CLINT1: variants seen among roughly 807,000 people sequenced by gnomAD.
The protein encoded by CLINT1 is clathrin interacting protein localized in the trans-Golgi region.
A neutral mutation model predicts 70.4 loss-of-function variants in CLINT1; 15 were observed. The observed-to-expected ratio is 0.21, with a 90% CI of 0.14 to 0.33. The LOEUF is 0.33. Ranked by LOEUF, CLINT1 falls within the 10% of genes least tolerant of loss-of-function variation. CLINT1 has a pLI of 1.00. For synonymous variants in CLINT1, 227 were observed against 254.7 expected (o/e 0.89, Z 1.04); for missense variants, 615 against 778.1 (o/e 0.79, Z 2.49).
chr5:157,788,968 G>GAAAAAAA (rs58634730), intron 11 of CLINT1, among the ~76,000 whole-genome samples: 40 of 95,550 alleles, frequency 4.2e-4, no homozygotes, highest in African/African-American at 5.2e-4. Context: ...CTCCATCTCA[G>GAAAAAAA]AAAAAAAAAA....
intron 8 of CLINT1, among the ~76,000 whole-genome samples, chr5:157,801,115 T>C (rs1448810891): frequency 6.6e-6 from 1 of 152,220 alleles, no homozygotes; most frequent in African/African-American, 2.4e-5. Flanking sequence ...AATGTAGCTG[T>C]CCGTAACCTT....
At chr5:157,800,406 A>T (rs537946939) in intron 8 of CLINT1, among the ~76,000 whole-genome samples, 1 of 152,268 alleles carries the variant, frequency 6.6e-6, no homozygotes, top group Non-Finnish European at 1.5e-5. Context: ...ACCAAATAGC[A>T]ATGTTAATAT....
intron 8 of CLINT1, among the ~76,000 whole-genome samples, chr5:157,800,997 T>C (rs912117417): frequency 2.6e-5 from 4 of 152,234 alleles, no homozygotes; most frequent in African/African-American, 9.6e-5. Context: ...ATAGTTGATA[T>C]TCTGTGACAC....
At chr5:157,843,429 T>A (rs1228252524) in intron 1 of CLINT1, among the ~76,000 whole-genome samples, 3 of 152,202 alleles carry the variant, frequency 2.0e-5, no homozygotes, top group African/African-American at 7.2e-5. Context: ...AGAATAAGAA[T>A]AAAGTTTGCA....
intron 8 of CLINT1, among the ~76,000 whole-genome samples, chr5:157,797,275 T>A (rs988855058): frequency 6.6e-6 from 1 of 152,220 alleles, no homozygotes; most frequent in African/African-American, 2.4e-5. Context: ...TAATATAACA[T>A]TAAGGGATTT....
intron 1 of CLINT1, among the ~76,000 whole-genome samples, chr5:157,856,795 T>C (rs1056584605): frequency 3.9e-5 from 6 of 152,206 alleles, no homozygotes; most frequent in South Asian, 4.1e-4. Flanking sequence ...CTTGAATAAT[T>C]TGGTTCAAGT....
intron 8 of CLINT1, among the ~76,000 whole-genome samples, chr5:157,798,903 A>G (rs974378458): frequency 3.3e-5 from 5 of 152,070 alleles, no homozygotes; most frequent in African/African-American, 1.2e-4. Context: ...AAGCAATGAA[A>G]AGTACTATAA....
At chr5:157,830,928 G>A (rs964967919) in intron 1 of CLINT1, among the ~76,000 whole-genome samples, 13 of 151,472 alleles carry the variant, frequency 8.6e-5, no homozygotes, top group African/African-American at 2.9e-4. Context: ...CTGGAGGTGA[G>A]GGTGGAGGGT....
chr5:157,840,192 CAAA>C (rs57245921), intron 1 of CLINT1, among the ~76,000 whole-genome samples: 38 of 55,326 alleles, frequency 6.9e-4, no homozygotes, highest in East Asian at 1.2e-3. Context: ...GAGACTGCCT[CAAA>C]AAAAAAAAAA....
chr5:157,819,204 A>C (rs2113224264), intron 1 of CLINT1, among the ~76,000 whole-genome samples: 1 of 152,310 alleles, frequency 6.6e-6, no homozygotes, highest in South Asian at 2.1e-4. Context: ...AGGAACAATT[A>C]TGCATTTAAG....
chr5:157,815,195 G>A (rs1335438137), intron 3 of CLINT1, among the ~76,000 whole-genome samples: 3 of 151,774 alleles, frequency 2.0e-5, no homozygotes, highest in African/African-American at 7.3e-5. Context: ...AGCTACTTAG[G>A]AGGTTGAGGC....
intron 3 of CLINT1, among the ~76,000 whole-genome samples, chr5:157,815,569 TTTAG>T (rs752277911): frequency 2.0e-5 from 3 of 152,082 alleles, no homozygotes; most frequent in Admixed American, 1.3e-4. Flanking sequence ...ACAAAAAAAA[TTTAG>T]TTAGGTTGGT....
rs1020143753 is a variant in CLINT1, at chr5:157,786,298, G to C, written c.*1348C>G. The C allele has an allele frequency of 6.6e-6, 1 of 152,260 alleles. No individual in the cohort carries two copies. Among genetic ancestry groups the C allele is most frequent in the Non-Finnish European group, 1.5e-5 (1 of 67,966 alleles). 9.4% of individuals were successfully genotyped at this position (152,260 alleles called of 1,614,324 possible). A position where few individuals can be genotyped will look rare whatever the true frequency, so the allele number is the denominator to read the frequency against. On this transcript the variant is annotated 3_prime_UTR_variant, in exon 12 of 12. Transcript: ENST00000411809. ...AAAGCAGTTCAACATTGATTTTAAT[G>C]AACATTTTAATGTTATGTATAACAG...
At position 157,787,414 on chromosome 5, in the gene CLINT1, G is replaced by C. The variant is rs749542673; in HGVS notation, c.*232C>G. 5.3e-6 allele frequency: 3 copies of C among 561,442 alleles called. No homozygotes were observed. The highest frequency in any genetic ancestry group is 3.2e-6 in the Non-Finnish European group (1 of 316,472). The allele number at this position is 561,442 out of a possible 1,614,324, so 34.8% of individuals were successfully genotyped here. A position where few individuals can be genotyped will look rare whatever the true frequency, so the allele number is the denominator to read the frequency against. On this transcript the variant is annotated 3_prime_UTR_variant, in exon 12 of 12. Transcript: ENST00000411809. Reference sequence around the variant, plus strand: ...TCAATGGTCTCACCACCCACTTGTGGTCTATCCTCACTGGAAAAAAATGAT... The same window carrying C: ...TCAATGGTCTCACCACCCACTTGTGCTCTATCCTCACTGGAAAAAAATGAT...
chr5:157,841,090 C>A (rs1431869921), intron 1 of CLINT1, among the ~76,000 whole-genome samples: 1 of 151,810 alleles, frequency 6.6e-6, no homozygotes, highest in Non-Finnish European at 1.5e-5. Flanking sequence ...GGCAAAACCA[C>A]GTCTCTATAA....
intron 11 of CLINT1, among the ~76,000 whole-genome samples, chr5:157,788,263 A>T (rs1761787764): frequency 6.6e-6 from 1 of 152,160 alleles, no homozygotes; most frequent in Non-Finnish European, 1.5e-5. Flanking sequence ...TACAAAACCT[A>T]TTGTTAAATC....
chr5:157,846,837 G>A (rs1753398930), intron 1 of CLINT1, among the ~76,000 whole-genome samples: 1 of 152,174 alleles, frequency 6.6e-6, no homozygotes, highest in Non-Finnish European at 1.5e-5. Flanking sequence ...CTCTGCTTGT[G>A]CTATAGAAAT....
chr5:157,830,788 C>CTA (rs1191312913), intron 1 of CLINT1, among the ~76,000 whole-genome samples: 87 of 128,892 alleles, frequency 6.7e-4, no homozygotes, highest in Admixed American at 2.0e-3. Flanking sequence ...CTCTCTCTCT[C>CTA]TCTCTCTCTA....
chr5:157,789,449 A>C lies in CLINT1; in HGVS notation c.1445T>G (p.Val482Gly). 6.2e-7 allele frequency: 1 copy of C among 1,613,968 alleles called. No individual in the cohort carries two copies. The change falls in exon 11 of 12, where the codon GTA (valine) becomes GGA (glycine). Residue 482 changes from valine to glycine, a missense_variant. This residue lies in a region of CLINT1 where 374 missense variants were observed against 409.6 expected (regional missense o/e 0.91). Coordinates refer to ENST00000411809, the MANE Select transcript of CLINT1 (RefSeq NM_014666.4). Reference sequence around the variant, plus strand: ...TAGTAAGTTGTCTAGGCTGATGTTTACACTGGGGTCAGACCAAGTAGAGGG... The same window carrying C: ...TAGTAAGTTGTCTAGGCTGATGTTTCCACTGGGGTCAGACCAAGTAGAGGG... ...TLPSTWSDPS[V>G]NISLDNLLPG...
Sources: gnomAD v4.1 joint callset for allele counts (sites outside exome capture counted in the v4.1 genomes callset) on GRCh38, gnomAD v4.1.1 for gene constraint, gnomAD v4.1.1 regional missense constraint, MANE v1.5 for transcripts, NCBI Gene and HGNC (gene_info 2026-07-23, HGNC 2026-07-21) for gene names.